Variants in HNRNPC observed in about 807,000 individuals in gnomAD.
The protein encoded by HNRNPC is heterogeneous nuclear ribonucleoprotein C, also known as heterogeneous nuclear ribonucleoproteins C1/C2.
HNRNPC carries 3 observed loss-of-function variants against 33.2 expected under a neutral mutation model. The ratio of observed to expected loss-of-function variants is 0.09; its 90% confidence interval spans 0.04 to 0.23. The LOEUF is 0.23. HNRNPC is among the 10% of genes least tolerant of loss of function. The probability of loss-of-function intolerance (pLI) is 1.00; values close to 1 mark genes in which losing one functional copy is unlikely to be tolerated. For synonymous variants in HNRNPC, 121 were observed against 126.7 expected (o/e 0.96, Z 0.30); for missense variants, 143 against 366.7 (o/e 0.39, Z 4.98).
intron 2 of HNRNPC, among the ~76,000 whole-genome samples, chr14:21,238,692 T>G (rs1347943122): frequency 6.6e-6 from 1 of 152,164 alleles, no homozygotes; most frequent in East Asian, 1.9e-4. Flanking sequence ...CCTCTTCTAG[T>G]TGAAGGGGTC....
intron 5 of HNRNPC, among the ~76,000 whole-genome samples, chr14:21,220,933 CAAA>C (rs1011962929): frequency 6.6e-6 from 1 of 151,772 alleles, no homozygotes; most frequent in African/African-American, 2.4e-5. Context: ...CTAAAATACA[CAAA>C]AAAAGTCAGG....
At chr14:21,249,567 C>G (rs953050238) in intron 2 of HNRNPC, among the ~76,000 whole-genome samples, 1 of 93,546 alleles carries the variant, frequency 1.1e-5, no homozygotes, top group East Asian at 3.2e-4. Flanking sequence ...GCCTGGGCAA[C>G]AAGAGCGAAA....
intron 3 of HNRNPC, 155 bp from the exon 4 acceptor site, chr14:21,231,227 C>G: frequency 4.2e-6 from 3 of 719,638 alleles, no homozygotes; most frequent in South Asian, 1.6e-5. Context: ...CTCTACCTCC[C>G]GGTTCAAGCG....
chr14:21,215,898 T>TA (rs3064165), intron 5 of HNRNPC, among the ~76,000 whole-genome samples: 6,545 of 98,078 alleles, frequency 0.067, 198 homozygotes, highest in African/African-American at 0.078. Context: ...GACTCCGTCT[T>TA]AAAAAAAAAA....
intron 1 of HNRNPC, among the ~76,000 whole-genome samples, chr14:21,267,823 G>T (rs182157079): frequency 1.3e-5 from 2 of 152,124 alleles, no homozygotes; most frequent in Admixed American, 1.3e-4. Flanking sequence ...ACTAATTTCT[G>T]ACATTTCTCC....
rs572806669 is a variant in HNRNPC, at chr14:21,243,886, CAT to C, written c.-36-9659_-36-9658del. Among the ~76,000 whole-genome samples the C allele has an allele frequency of 1.5e-4, 23 of 152,258 alleles. No individual in the cohort carries two copies. In the South Asian group the frequency reaches 4.6e-3, roughly 30 times the overall value. ...AGAGGTTCTAACACTATAATAATTA[CAT>C]ATTAGTAAAATATACATATATATAT... is the stretch of plus-strand genomic sequence containing the variant. On this transcript the variant is annotated intron_variant, in intron 2 of 8. Coordinates refer to ENST00000553300, the MANE Select transcript of HNRNPC (RefSeq NM_004500.4).
chr14:21,218,387 T>A, intron 5 of HNRNPC, among the ~76,000 whole-genome samples: 1 of 152,188 alleles, frequency 6.6e-6, no homozygotes, highest in East Asian at 1.9e-4. Context: ...TTTTATTTTT[T>A]AAAAAACTAA....
rs571136465 is a variant in HNRNPC at position 21,225,549 on chromosome 14, T to C, written c.365+4770A>G. Among the ~76,000 whole-genome samples, 6 of 152,260 alleles carry C rather than the reference T, an allele frequency of 3.9e-5. No homozygotes were observed. In the East Asian group the frequency reaches 1.2e-3, roughly 29 times the overall value. ...CACAATGACTGAGAGTTCTTTTAATTCTAAAAGGTGTCCATCCTCAGGCGT... is the reference window on the plus strand; with the variant it reads ...CACAATGACTGAGAGTTCTTTTAATCCTAAAAGGTGTCCATCCTCAGGCGT... On this transcript the variant is annotated intron_variant, in intron 5 of 8. Transcript: ENST00000553300.
intron 2 of HNRNPC, among the ~76,000 whole-genome samples, chr14:21,239,274 A>G (rs1245373160): frequency 2.0e-5 from 3 of 151,986 alleles, no homozygotes; most frequent in Admixed American, 1.3e-4. Context: ...GGTCAGAACG[A>G]GACAGTATCC....
At chr14:21,244,195 A>AC (rs1374600065) in intron 2 of HNRNPC, among the ~76,000 whole-genome samples, 3 of 152,224 alleles carry the variant, frequency 2.0e-5, no homozygotes, top group African/African-American at 7.2e-5. Context: ...ATGGGGTTTC[A>AC]CCATGTTGAC....
chr14:21,231,096 T>C, intron 3 of HNRNPC, 24 bp from the exon 4 acceptor site: 1 of 1,591,574 alleles, frequency 6.3e-7, no homozygotes. Flanking sequence ...GTAAAAATGT[T>C]AATGACAACT....
intron 2 of HNRNPC, among the ~76,000 whole-genome samples, chr14:21,259,268 A>C (rs1244617242): frequency 1.3e-5 from 2 of 151,934 alleles, no homozygotes; most frequent in Non-Finnish European, 2.9e-5. Flanking sequence ...GCATCCCCCA[A>C]ATTCCATGTT....
intron 5 of HNRNPC, among the ~76,000 whole-genome samples, chr14:21,229,206 C>A (rs1015049952): frequency 1.3e-5 from 2 of 150,814 alleles, no homozygotes; most frequent in South Asian, 4.2e-4. Flanking sequence ...CTGGCTAACA[C>A]GATGAAGCCC....
At chr14:21,246,885 A>G (rs1350805364) in intron 2 of HNRNPC, among the ~76,000 whole-genome samples, 2 of 152,186 alleles carry the variant, frequency 1.3e-5, no homozygotes, top group Admixed American at 6.5e-5. Context: ...TCTACTTAAC[A>G]AAGTCAATAT....
chr14:21,235,680 C>T (rs765017097), intron 2 of HNRNPC, among the ~76,000 whole-genome samples: 6 of 152,050 alleles, frequency 3.9e-5, no homozygotes, highest in Non-Finnish European at 7.4e-5. Context: ...AGTCTGAGGA[C>T]ACTAAAAAGA....
chr14:21,258,764 C>T (rs1414948813), intron 2 of HNRNPC, among the ~76,000 whole-genome samples: 1 of 152,184 alleles, frequency 6.6e-6, no homozygotes, highest in Non-Finnish European at 1.5e-5. Context: ...GGAGCCTCAT[C>T]AGTTCTCAAC....
In HNRNPC at chr14:21,230,328, T is replaced by A. The variant is rs774834650; in HGVS notation, c.356A>T (p.Tyr119Phe). ...FDLDYDFQRD[Y>F]YDRMYSYPAR... ...AAACATTTTAACATACCTATCATAA[T>A]AGTCCCGTTGAAAGTCATAGTCCAA... is the stretch of plus-strand genomic sequence containing the variant. Residue 119 changes from tyrosine (Y) to phenylalanine (F), a missense_variant, in exon 5 of 9, where the codon TAT becomes TTT. Physicochemically the swap from Tyr to Phe is conservative, Grantham distance 22 (BLOSUM62 3). Around this residue, in one of 2 missense-constraint regions of HNRNPC, gnomAD observed 131 missense variants for 253.0 expected, o/e 0.52. Transcript: ENST00000553300. The A allele has an allele frequency of 1.9e-6, 3 of 1,606,278 alleles. No individual in the cohort carries two copies. In the East Asian group the frequency reaches 6.7e-5, roughly 36 times the overall value.
intron 2 of HNRNPC, among the ~76,000 whole-genome samples, chr14:21,260,661 T>C (rs1878079748): frequency 6.6e-6 from 1 of 151,768 alleles, no homozygotes; most frequent in Non-Finnish European, 1.5e-5. Context: ...ACCCTGTCTC[T>C]ACTAAAAATA....
At chr14:21,231,554 C>A (rs1390597642) in intron 3 of HNRNPC, 2 of 358,802 alleles carry the variant, frequency 5.6e-6, no homozygotes, top group African/African-American at 4.3e-5. Context: ...TCTGCCTTGA[C>A]CTCCCAAAGT....
Sources: gnomAD v4.1 joint callset for allele counts (sites outside exome capture counted in the v4.1 genomes callset) on GRCh38, gnomAD v4.1.1 for gene constraint, gnomAD v4.1.1 regional missense constraint, MANE v1.5 for transcripts, NCBI Gene and HGNC (gene_info 2026-07-23, HGNC 2026-07-21) for gene names.